The following RNF217 variants were observed in gnomAD, a reference collection of about 807,000 sequenced individuals.
RNF217 encodes ring finger protein 217.
A neutral mutation model predicts 57.8 loss-of-function variants in RNF217; 31 were observed. The observed-to-expected ratio is 0.54, with a 90% CI of 0.40 to 0.72. The LOEUF (loss-of-function observed/expected upper bound fraction) is 0.72, where lower values mean the gene tolerates loss of function less well. RNF217 is among the 30% of genes least tolerant of loss of function. The probability of loss-of-function intolerance (pLI) is 0.00; values close to 1 mark genes in which losing one functional copy is unlikely to be tolerated. For synonymous variants in RNF217, 313 were observed against 294.0 expected, an observed-to-expected ratio of 1.06 and a Z score of -0.66; for missense variants, 696 against 708.3, an observed-to-expected ratio of 0.98 and a Z score of 0.20.
chr6:125,001,993 G>A (rs1402826727), intron 1 of RNF217, among the ~76,000 whole-genome samples: 1 of 152,104 alleles, frequency 6.6e-6, no homozygotes. Context: ...TGTATTTTAG[G>A]TGCTGTTGTA....
Position 125,084,253 on chromosome 6 carries a change from A to G in RNF217, c.*1316A>G, listed in dbSNP as rs1788704489. The G allele has an allele frequency of 2.0e-5, 3 of 151,970 alleles. No individual in the cohort carries two copies. Among genetic ancestry groups the G allele is most frequent in the African/African-American group, 7.2e-5 (3 of 41,424 alleles). 9.4% of individuals were successfully genotyped at this position (151,970 alleles called of 1,614,324 possible). On this transcript the variant is annotated 3_prime_UTR_variant, in exon 6 of 6. Transcript: ENST00000521654. ...CTTTTTATGTTCTTGAGTTTGTCCA[A>G]TATCAGCTGCTTTTGGGAAAGGAAA... is the stretch of plus-strand genomic sequence containing the variant.
intron 1 of RNF217, among the ~76,000 whole-genome samples, chr6:124,997,107 C>A (rs993609314): frequency 6.6e-6 from 1 of 151,988 alleles, no homozygotes; most frequent in East Asian, 1.9e-4. Flanking sequence ...TGTTTTGGTC[C>A]GGTGTGTATT....
intron 1 of RNF217, among the ~76,000 whole-genome samples, chr6:125,005,176 G>C (rs573798627): frequency 6.0e-4 from 91 of 152,122 alleles, no homozygotes; most frequent in Admixed American, 1.6e-3. Flanking sequence ...TTCAACATGA[G>C]CTTCAGAGGG....
intron 1 of RNF217, among the ~76,000 whole-genome samples, chr6:125,029,640 G>A (rs1332993110): frequency 6.6e-6 from 1 of 152,142 alleles, no homozygotes; most frequent in African/African-American, 2.4e-5. Context: ...CTCTGTAGGG[G>A]GGAGAAGTGT....
At chr6:125,055,072 G>A (rs978671212) in intron 2 of RNF217, among the ~76,000 whole-genome samples, 21 of 152,130 alleles carry the variant, frequency 1.4e-4, no homozygotes, top group African/African-American at 4.8e-4. Flanking sequence ...ATATGGTTAA[G>A]TTCAAAATGA....
intron 1 of RNF217, among the ~76,000 whole-genome samples, chr6:125,025,297 CT>C (rs1562473910): frequency 6.6e-6 from 1 of 152,110 alleles, no homozygotes; most frequent in Non-Finnish European, 1.5e-5. Context: ...ATTAAATAAT[CT>C]TTCATTTGGC....
At chr6:124,990,793 G>A (rs1784532219) in intron 1 of RNF217, among the ~76,000 whole-genome samples, 1 of 152,120 alleles carries the variant, frequency 6.6e-6, no homozygotes, top group African/African-American at 2.4e-5. Flanking sequence ...AATTGGGCAT[G>A]GTGGCTTACG....
rs1343622766 is a variant in RNF217 at position 125,088,383 on chromosome 6, A to G, written c.*5446A>G. ...CTCTGATTTTGAAAATAGAACAAAT[A>G]CACATTTCATAGCCAAACTTTGTGT... On this transcript the variant is annotated 3_prime_UTR_variant, in exon 6 of 6. Coordinates refer to ENST00000521654, the MANE Select transcript of RNF217 (RefSeq NM_001286398.3). 3 of 152,118 alleles carry G rather than the reference A, an allele frequency of 2.0e-5. No homozygotes were observed. 9.4% of individuals were successfully genotyped at this position (152,118 alleles called of 1,614,324 possible).
chr6:125,030,932 G>T (rs1786329450), intron 1 of RNF217, among the ~76,000 whole-genome samples: 1 of 152,216 alleles, frequency 6.6e-6, no homozygotes, highest in Non-Finnish European at 1.5e-5. Context: ...CCCTGCCCCT[G>T]CAGCACACTT....
chr6:124,984,701 G>A (rs1206829329), intron 1 of RNF217, among the ~76,000 whole-genome samples: 2 of 152,028 alleles, frequency 1.3e-5, no homozygotes, highest in Admixed American at 1.3e-4. Flanking sequence ...AGACCTAGAT[G>A]TGTAATCAAA....
chr6:125,068,398 T>C (rs1293076948), intron 3 of RNF217, among the ~76,000 whole-genome samples: 1 of 152,188 alleles, frequency 6.6e-6, no homozygotes, highest in Non-Finnish European at 1.5e-5. Context: ...AATGTCATTT[T>C]CTTAGAGAAA....
At chr6:125,026,452 A>C (rs1786085455) in intron 1 of RNF217, among the ~76,000 whole-genome samples, 1 of 152,210 alleles carries the variant, frequency 6.6e-6, no homozygotes, top group African/African-American at 2.4e-5. Flanking sequence ...TGCTATCATC[A>C]TCATCGTCAT....
At chr6:124,972,294 C>A (rs1009202989) in intron 1 of RNF217, among the ~76,000 whole-genome samples, 1 of 152,040 alleles carries the variant, frequency 6.6e-6, no homozygotes, top group Non-Finnish European at 1.5e-5. Flanking sequence ...GATTCTATTT[C>A]TGCTGTCATT....
intron 1 of RNF217, among the ~76,000 whole-genome samples, chr6:124,963,911 A>C (rs1783418945): frequency 6.6e-6 from 1 of 152,248 alleles, no homozygotes; most frequent in African/African-American, 2.4e-5. Context: ...TGTTTAAAAA[A>C]ATGTATCCCT....
intron 2 of RNF217, among the ~76,000 whole-genome samples, chr6:125,051,528 C>T (rs1259395149): frequency 6.6e-6 from 1 of 151,964 alleles, no homozygotes; most frequent in Admixed American, 6.6e-5. Context: ...TGCACGGATC[C>T]CCTCTACAAT....
chr6:125,012,340 T>A (rs1785443332), intron 1 of RNF217, among the ~76,000 whole-genome samples: 1 of 152,170 alleles, frequency 6.6e-6, no homozygotes, highest in African/African-American at 2.4e-5. Context: ...AATTAACATT[T>A]ACTGATGAAT....
chr6:124,980,263 C>G (rs1309351400), intron 1 of RNF217, among the ~76,000 whole-genome samples: 3 of 152,144 alleles, frequency 2.0e-5, no homozygotes. Context: ...AAACGTTGAG[C>G]CACCCTCTGC....
rs1788751350 is a variant in RNF217 at position 125,085,710 on chromosome 6, C to T, written c.*2773C>T. 6.6e-6 allele frequency: 1 copy of T among 151,802 alleles called. No individual in the cohort carries two copies. Among genetic ancestry groups the T allele is most frequent in the South Asian group, 2.1e-4 (1 of 4,830 alleles). The allele number at this position is 151,802 out of a possible 1,614,324, so 9.4% of individuals were successfully genotyped here. A position where few individuals can be genotyped will look rare whatever the true frequency, so the allele number is the denominator to read the frequency against. On this transcript the variant is annotated 3_prime_UTR_variant, in exon 6 of 6. Transcript: ENST00000521654. ...AAAATACAACTTTCTCTACTTACCC[C>T]ACCTCTTATTTTCTAGGGGTAACCA...
chr6:124,962,610 T>G lies in RNF217; in HGVS notation c.66T>G (p.Ser22Arg). The change falls in exon 1 of 6, where the codon AGT becomes AGG. Residue 22 changes from serine (S) to arginine (R), a missense_variant. By Grantham distance (110) the Ser-to-Arg change is moderately radical. Transcript: ENST00000521654. This position sits in a 1 kb window ranked among gnomAD's most constrained non-coding sequence, Gnocchi z 4.6. Reference sequence around the variant, plus strand: ...CCCAGGAGTCGCAGACCCTGGCCAGTGGCACTGCGGGCCACCCTGAGCCCC... The same window carrying G: ...CCCAGGAGTCGCAGACCCTGGCCAGGGGCACTGCGGGCCACCCTGAGCCCC... The part of the protein sequence containing the change: ...GGPQESQTLA[S>R]GTAGHPEPPR... 1.5e-6 allele frequency: 2 copies of G among 1,312,934 alleles called. No individual in the cohort carries two copies. The highest frequency in any genetic ancestry group is 1.9e-6 in the Non-Finnish European group (2 of 1,039,392). 81.3% of individuals were successfully genotyped at this position (1,312,934 alleles called of 1,614,324 possible). A position where few individuals can be genotyped will look rare whatever the true frequency, so the allele number is the denominator to read the frequency against.
Sources: allele counts gnomAD v4.1 joint callset (sites outside exome capture counted in the v4.1 genomes callset), GRCh38; gene constraint gnomAD v4.1.1; non-coding constraint Gnocchi (gnomAD v3.1); transcripts MANE v1.5; gene names NCBI Gene and HGNC (gene_info 2026-07-23, HGNC 2026-07-21).